The following RGS6 variants were observed in gnomAD, a reference collection of about 807,000 sequenced individuals.
RGS6 encodes the protein regulator of G protein signaling 6.
RGS6 carries 30 observed loss-of-function variants against 78.5 expected under a neutral mutation model. The observed-to-expected ratio is 0.38, with a 90% CI of 0.29 to 0.52. The LOEUF (loss-of-function observed/expected upper bound fraction) is 0.52. Among genes scored for constraint, RGS6 ranks in the 20% least tolerant of loss-of-function variants. The pLI is 0.85. For missense variants in RGS6, 495 were observed against 609.7 expected (o/e 0.81, Z 1.98); for synonymous variants, 206 against 206.0 (o/e 1.00, Z 0.00).
chr14:72,359,721 C>T (rs555223012), intron 3 of RGS6, among the ~76,000 whole-genome samples: 1 of 152,268 alleles, frequency 6.6e-6, no homozygotes, highest in East Asian at 1.9e-4. Context: ...GAGGAAAAAT[C>T]AAGAGGATAT....
chr14:71,997,176 A>G (rs1205982679), intron 2 of RGS6, among the ~76,000 whole-genome samples: 1 of 152,186 alleles, frequency 6.6e-6, no homozygotes, highest in Non-Finnish European at 1.5e-5. Flanking sequence ...GAACCTGGCA[A>G]TTAGGTGTCT....
chr14:71,869,380 T>C, the RGS6 span, among the ~76,000 whole-genome samples: 3 of 152,192 alleles, frequency 2.0e-5, no homozygotes, highest in African/African-American at 7.2e-5. Flanking sequence ...CCAGCTCCAA[T>C]GTGACTACCA....
At chr14:71,973,370 C>T (rs906283847) in intron 2 of RGS6, among the ~76,000 whole-genome samples, 9 of 144,702 alleles carry the variant, frequency 6.2e-5, no homozygotes, top group Non-Finnish European at 1.2e-4. Context: ...TTTTTTCACT[C>T]TTTTTTTTTT....
At chr14:72,018,437 C>T (rs1345369124) in intron 2 of RGS6, among the ~76,000 whole-genome samples, 1 of 152,170 alleles carries the variant, frequency 6.6e-6, no homozygotes, top group Non-Finnish European at 1.5e-5. Flanking sequence ...GAATTTTGCT[C>T]TGGCATTTTC....
chr14:72,349,527 T>C (rs2078724689), intron 2 of RGS6, among the ~76,000 whole-genome samples: 1 of 152,186 alleles, frequency 6.6e-6, no homozygotes, highest in South Asian at 2.1e-4. Context: ...AGTCAGGAAC[T>C]GGGGGGCAAT....
intron 3 of RGS6, among the ~76,000 whole-genome samples, chr14:72,420,141 C>CTCAA (rs2094093470): frequency 6.6e-6 from 1 of 152,234 alleles, no homozygotes; most frequent in South Asian, 2.1e-4. Context: ...AGAAGTAAGT[C>CTCAA]TCAAACCCCA....
intron 1 of RGS6, among the ~76,000 whole-genome samples, chr14:71,959,697 G>A (rs2093050922): frequency 6.6e-6 from 1 of 152,158 alleles, no homozygotes; most frequent in Non-Finnish European, 1.5e-5. Context: ...TCTGAGGGTG[G>A]GGGTTGGGGT....
At chr14:72,243,364 G>C (rs531590011) in intron 2 of RGS6, among the ~76,000 whole-genome samples, 2 of 151,746 alleles carry the variant, frequency 1.3e-5, no homozygotes, top group African/African-American at 2.4e-5. Flanking sequence ...GACTTTTGTC[G>C]CCACCCTTGA....
intron 2 of RGS6, among the ~76,000 whole-genome samples, chr14:72,203,058 G>A (rs1027028314): frequency 6.6e-6 from 1 of 152,010 alleles, no homozygotes; most frequent in Non-Finnish European, 1.5e-5. Flanking sequence ...GTATTTTTTA[G>A]TGGAGACAGG....
intron 2 of RGS6, among the ~76,000 whole-genome samples, chr14:72,244,305 G>A (rs1227998242): frequency 1.5e-5 from 2 of 130,380 alleles, no homozygotes; most frequent in Non-Finnish European, 3.3e-5. Flanking sequence ...GGCTTTTGTT[G>A]CTTTTCTCAA....
At chr14:72,558,948 C>T (rs535111575) in intron 17 of RGS6, among the ~76,000 whole-genome samples, 2 of 152,316 alleles carry the variant, frequency 1.3e-5, no homozygotes, top group South Asian at 2.1e-4. Context: ...GCCAAGGCCT[C>T]GGGCTGAGCT....
intron 2 of RGS6, among the ~76,000 whole-genome samples, chr14:72,120,740 A>G (rs943766604): frequency 6.6e-6 from 1 of 152,200 alleles, no homozygotes; most frequent in Non-Finnish European, 1.5e-5. Context: ...ACACAAGAAC[A>G]TGTAAAACGA....
intron 2 of RGS6, among the ~76,000 whole-genome samples, chr14:72,238,368 G>C (rs1448503398): frequency 1.3e-5 from 2 of 152,064 alleles, no homozygotes; most frequent in African/African-American, 4.8e-5. Flanking sequence ...CTTGAGGGTG[G>C]GGCCTTTGCC....
chr14:72,629,075 A>C, the RGS6 span, among the ~76,000 whole-genome samples: 2 of 152,182 alleles, frequency 1.3e-5, no homozygotes, highest in Non-Finnish European at 2.9e-5. Flanking sequence ...AGACGACTGG[A>C]TGTTTGATTG....
the RGS6 span, among the ~76,000 whole-genome samples, chr14:72,626,092 C>A: frequency 3.3e-3 from 505 of 152,242 alleles, 1 homozygote; most frequent in Non-Finnish European, 5.7e-3. Context: ...TATCTATTTA[C>A]GTTATACTGT....
chr14:72,495,077 A>G, intron 12 of RGS6, 75 bp from the exon 13 acceptor site: 1 of 881,512 alleles, frequency 1.1e-6, no homozygotes, highest in South Asian at 1.3e-5. Flanking sequence ...GACTGCTATA[A>G]TGTTTGTGTA....
At chr14:72,133,389 CT>C (rs755384649) in intron 2 of RGS6, among the ~76,000 whole-genome samples, 1 of 152,102 alleles carries the variant, frequency 6.6e-6, no homozygotes, top group Non-Finnish European at 1.5e-5. Context: ...ACTAAGTTCC[CT>C]TTGCGATACA....
chr14:72,547,602 G>T (rs1366209875), intron 17 of RGS6, among the ~76,000 whole-genome samples: 21 of 152,212 alleles, frequency 1.4e-4, no homozygotes, highest in Non-Finnish European at 7.3e-5. Context: ...GGGACTCAGA[G>T]CAGTGGGATT....
At chr14:72,344,306 G>C (rs562929057) in intron 2 of RGS6, among the ~76,000 whole-genome samples, 2 of 152,156 alleles carry the variant, frequency 1.3e-5, no homozygotes, top group Admixed American at 6.5e-5. Flanking sequence ...TGTGTCATCC[G>C]TCTGCCCTGG....
Sources: allele counts gnomAD v4.1 joint callset (sites outside exome capture counted in the v4.1 genomes callset), GRCh38; gene constraint gnomAD v4.1.1; transcripts MANE v1.5; gene names NCBI Gene and HGNC (gene_info 2026-07-23, HGNC 2026-07-21).